The following ATP5PF variants were observed in gnomAD, a reference collection of about 807,000 sequenced individuals.
ATP5PF encodes ATP synthase peripheral stalk subunit F6, mitochondrial.
ATP5PF carries 7 observed loss-of-function variants against 12.0 expected under a neutral mutation model. That is an observed-to-expected ratio of 0.58 (90% CI 0.33 to 1.10). The LOEUF is 1.10. Among genes scored for constraint, ATP5PF ranks in the 50% least tolerant of loss-of-function variants. ATP5PF has a pLI of 0.03. For synonymous variants in ATP5PF, 41 were observed against 45.4 expected, an observed-to-expected ratio of 0.90 and a Z score of 0.39; for missense variants, 120 against 127.7, an observed-to-expected ratio of 0.94 and a Z score of 0.29.
chr21:25,725,512 T>C (rs1455265322), intron 2 of ATP5PF, among the ~76,000 whole-genome samples, 162 bp from the exon 3 acceptor site: 2 of 152,090 alleles, frequency 1.3e-5, no homozygotes, highest in African/African-American at 4.8e-5. Context: ...TGATCTTGGC[T>C]CTCTGCAACC....
chr21:25,734,015 C>T lies in ATP5PF; in HGVS notation c.-8+838G>A, dbSNP rs71649635. On this transcript the variant is annotated intron_variant, in intron 1 of 3. Transcript: ENST00000284971. The stretch of plus-strand genomic sequence containing the variant: ...AACAGTTCTCATCTCCCTTATAAGT[C>T]CTACGAACTCATCCAAAAAACGAAC... 3.9e-3 allele frequency among the ~76,000 whole-genome samples: 590 copies of T among 152,340 alleles called. 4 individuals are homozygous for T. The highest frequency in any genetic ancestry group is 0.01 in the Middle Eastern group (3 of 294).
At chr21:25,730,240 G>A (rs1281927712) in intron 1 of ATP5PF, among the ~76,000 whole-genome samples, 2 of 152,184 alleles carry the variant, frequency 1.3e-5, no homozygotes, top group Non-Finnish European at 2.9e-5. Flanking sequence ...GGCCCACAGA[G>A]GGAGAAACTG....
At chr21:25,727,375 A>C (rs1167270639) in intron 2 of ATP5PF, among the ~76,000 whole-genome samples, 1 of 152,222 alleles carries the variant, frequency 6.6e-6, no homozygotes, top group Non-Finnish European at 1.5e-5. Context: ...GCCTAGGACA[A>C]AGCAGTCACT....
intron 1 of ATP5PF, among the ~76,000 whole-genome samples, chr21:25,732,645 CAA>C (rs1279087632): frequency 4.6e-4 from 55 of 119,292 alleles, no homozygotes; most frequent in Admixed American, 7.8e-4. Flanking sequence ...AACCCTGTCT[CAA>C]AAAAAAAAAA....
At chr21:25,728,910 C>T (rs189649432) in intron 2 of ATP5PF, among the ~76,000 whole-genome samples, 17 of 152,336 alleles carry the variant, frequency 1.1e-4, no homozygotes, top group Admixed American at 3.9e-4. Context: ...TGGCCCATCA[C>T]GGTTAATAGC....
In ATP5PF at chr21:25,725,327, G is replaced by T. The variant is rs1221074967; in HGVS notation, c.188C>A (p.Ala63Asp). The T allele has an allele frequency of 6.2e-7, 1 of 1,607,184 alleles. No homozygotes were observed. ...CAGCTCTTGCTGATACTCTGAACTA[G>T]CATCAACAGGTCCTCCAGATGTCCT... The part of the protein sequence containing the change: ...KRQTSGGPVD[A>D]SSEYQQELER... The change falls in exon 3 of 4, where the codon GCT (alanine) becomes GAT (aspartate). Residue 63 changes from alanine (A) to aspartate (D), a missense_variant. Coordinates refer to ENST00000284971, the MANE Select transcript of ATP5PF (RefSeq NM_001003703.2).
intron 1 of ATP5PF, among the ~76,000 whole-genome samples, chr21:25,732,657 AAAAGAAAGAAAGAAATCCTAC>A (rs1162650037): frequency 4.6e-5 from 7 of 151,778 alleles, no homozygotes; most frequent in Non-Finnish European, 1.0e-4. Context: ...AAAAAAAAAA[AAAAGAAAGAAAGAAATCCTAC>A]AATCAGGCCG....
chr21:25,734,952 G>T, upstream of ATP5PF: 1 of 1,574,648 alleles, frequency 6.4e-7, no homozygotes. Context: ...CCATCGCAAT[G>T]CATTATGGGC....
intron 1 of ATP5PF, chr21:25,734,283 G>T: frequency 1.0e-6 from 1 of 973,304 alleles, no homozygotes; most frequent in Non-Finnish European, 1.2e-6. Context: ...AGTCTGAGCA[G>T]AGGCCTTGTT....
chr21:25,734,991 G>A (rs1339958482), upstream of ATP5PF: 3 of 1,549,860 alleles, frequency 1.9e-6, no homozygotes, highest in Non-Finnish European at 2.6e-6. Context: ...ACGCTCACCG[G>A]ACAGGAAGCG....
intron 3 of ATP5PF, 32 bp downstream of exon 3, chr21:25,725,194 A>C: frequency 6.3e-7 from 1 of 1,587,468 alleles, no homozygotes; most frequent in Non-Finnish European, 8.5e-7. Flanking sequence ...CTTATCCCCC[A>C]CAAGAATGAA....
chr21:25,728,085 G>C (rs890897753), intron 2 of ATP5PF, among the ~76,000 whole-genome samples: 38 of 152,088 alleles, frequency 2.5e-4, no homozygotes, highest in Admixed American at 2.4e-3. Flanking sequence ...TCAATGTCTT[G>C]ACTCTGTCAC....
intron 1 of ATP5PF, 89 bp downstream of exon 1, chr21:25,734,764 G>A: frequency 7.7e-7 from 1 of 1,305,006 alleles, no homozygotes; most frequent in South Asian, 1.4e-5. Context: ...TCTCCTCCTA[G>A]TAAAGGTGAG....
chr21:25,729,421 T>C (rs2034698067), intron 2 of ATP5PF, among the ~76,000 whole-genome samples: 1 of 152,226 alleles, frequency 6.6e-6, no homozygotes, highest in African/African-American at 2.4e-5. Flanking sequence ...TAGTAGGATT[T>C]TCCCTTGTAA....
At chr21:25,734,965 C>T, upstream of ATP5PF, 4 of 1,569,248 alleles carry the variant, frequency 2.5e-6, no homozygotes, top group Non-Finnish European at 3.4e-6. Context: ...TTATGGGCCG[C>T]CGTTTCAGTC....
At chr21:25,734,273 A>C in intron 1 of ATP5PF, 1 of 953,584 alleles carries the variant, frequency 1.0e-6, no homozygotes, top group Non-Finnish European at 1.2e-6. Flanking sequence ...AGAAAACACT[A>C]GTCTGAGCAG....
intron 2 of ATP5PF, among the ~76,000 whole-genome samples, chr21:25,728,820 C>T (rs1482765590): frequency 6.6e-6 from 1 of 152,064 alleles, no homozygotes; most frequent in East Asian, 1.9e-4. Context: ...GCACCTAACT[C>T]ATTTTACCTT....
intron 1 of ATP5PF, among the ~76,000 whole-genome samples, chr21:25,732,812 C>T (rs1032071756): frequency 1.3e-5 from 2 of 151,380 alleles, no homozygotes; most frequent in African/African-American, 2.4e-5. Flanking sequence ...GGAGAAACCC[C>T]GTCTCTACCA....
At chr21:25,735,164 T>G, upstream of ATP5PF, 1 of 623,052 alleles carries the variant, frequency 1.6e-6, no homozygotes, top group Non-Finnish European at 2.9e-6. Flanking sequence ...CCTTGCTCTG[T>G]ACGCATGCGC....
Sources: gnomAD v4.1 joint callset for allele counts (sites outside exome capture counted in the v4.1 genomes callset) on GRCh38, gnomAD v4.1.1 for gene constraint, MANE v1.5 for transcripts, NCBI Gene and HGNC (gene_info 2026-07-23, HGNC 2026-07-21) for gene names.